The following PCDHA5 variants were observed in gnomAD, a reference collection of about 807,000 sequenced individuals.
PCDHA5 encodes the protein protocadherin alpha 5.
Under a neutral mutation model 61.6 loss-of-function variants are expected in PCDHA5, and 43 were observed. That is an observed-to-expected ratio of 0.70 (90% CI 0.55 to 0.90). The LOEUF (loss-of-function observed/expected upper bound fraction) is 0.90. Among genes scored for constraint, PCDHA5 ranks in the 40% least tolerant of loss-of-function variants. The pLI is 0.00. For synonymous variants in PCDHA5, 627 were observed against 543.9 expected (o/e 1.15, Z -2.13); for missense variants, 1,298 against 1,222.7 (o/e 1.06, Z -0.92).
intron 1 of PCDHA5, chr5:140,969,231 C>A (rs782084659): frequency 6.2e-7 from 1 of 1,614,110 alleles, no homozygotes; most frequent in Non-Finnish European, 8.5e-7. Context: ...CCTTCGGGAG[C>A]CCAAGCAGCA....
intron 3 of PCDHA5, among the ~76,000 whole-genome samples, chr5:141,007,324 A>G (rs35241677): frequency 0.053 from 8,037 of 150,420 alleles, 253 homozygotes; most frequent in South Asian, 0.11. Context: ...GCTAAAGTGG[A>G]CAGATTGCCT....
intron 1 of PCDHA5, among the ~76,000 whole-genome samples, chr5:140,840,813 G>A (rs1465831729): frequency 6.6e-6 from 1 of 152,040 alleles, no homozygotes; most frequent in South Asian, 2.1e-4. Context: ...ATATACCAGT[G>A]TTTCTGGTGA....
At chr5:140,997,420 G>A (rs1300822693) in intron 3 of PCDHA5, among the ~76,000 whole-genome samples, 4 of 152,042 alleles carry the variant, frequency 2.6e-5, no homozygotes, top group African/African-American at 9.7e-5. Flanking sequence ...TTTCTCCTAG[G>A]CTACAAACCT....
At chr5:141,002,203 G>T (rs2153973237) in intron 3 of PCDHA5, among the ~76,000 whole-genome samples, 1 of 152,296 alleles carries the variant, frequency 6.6e-6, no homozygotes, top group East Asian at 1.9e-4. Flanking sequence ...ATAGTCCCCG[G>T]CTTTAATCAA....
At position 141,010,062 on chromosome 5, in the gene PCDHA5, A is replaced by G. The variant is rs1310704954; in HGVS notation, c.*125A>G. The G allele has an allele frequency of 8.1e-6, 13 of 1,602,422 alleles. No individual in the cohort carries two copies. Among genetic ancestry groups the G allele is most frequent in the African/African-American group, 2.7e-5 (2 of 74,284 alleles). On this transcript the variant is annotated 3_prime_UTR_variant, in exon 4 of 4. Transcript: ENST00000529859. Reference sequence around the variant, plus strand: ...CCTCTTAGAGACCTCAGAAATCTGCAGAAAGTTCCCTGTGTCTGTCTAGAA... The same window carrying G: ...CCTCTTAGAGACCTCAGAAATCTGCGGAAAGTTCCCTGTGTCTGTCTAGAA...
chr5:140,868,681 TATA>T (rs1235223560), intron 1 of PCDHA5: 45 of 172,206 alleles, frequency 2.6e-4, no homozygotes, highest in African/African-American at 1.0e-3. Context: ...AGAACAATGT[TATA>T]ATGTTAAGTC....
chr5:140,835,749 G>A, intron 1 of PCDHA5: 1 of 1,613,432 alleles, frequency 6.2e-7, no homozygotes, highest in Non-Finnish European at 8.5e-7. Context: ...CCCGGCGTTC[G>A]CGCAGCCCGA....
intron 1 of PCDHA5, chr5:140,842,828 T>C (rs2150345538): frequency 1.9e-6 from 3 of 1,593,634 alleles, no homozygotes; most frequent in South Asian, 1.1e-5. Context: ...GGGCGAGCGC[T>C]CGCTGTCGAG....
At chr5:140,875,464 T>A (rs782432702) in intron 1 of PCDHA5, 1 of 1,599,740 alleles carries the variant, frequency 6.3e-7, no homozygotes, top group Admixed American at 1.7e-5. Flanking sequence ...GAGGCCCTCA[T>A]TTTCTGCAAT....
chr5:140,963,856 C>T lies in PCDHA5; in HGVS notation c.2353-15093C>T, dbSNP rs76429225. 1.1e-4 allele frequency among the ~76,000 whole-genome samples: 16 copies of T among 152,242 alleles called. No individual in the cohort carries two copies. The East Asian group carries it at 2.5e-3, about 24-fold the overall frequency. On this transcript the variant is annotated intron_variant, in intron 1 of 3. Coordinates refer to ENST00000529859, the MANE Select transcript of PCDHA5 (RefSeq NM_018908.3). ...TTTCTCATGTAATCATAATAATAAC[C>T]GTATGAGTTTTGCTTACTATTGTTT... is the stretch of plus-strand genomic sequence containing the variant.
intron 1 of PCDHA5, chr5:140,966,754 G>A (rs1554228611): frequency 1.4e-6 from 2 of 1,432,146 alleles, no homozygotes; most frequent in South Asian, 3.0e-5. Context: ...TGCCTCCGCC[G>A]CGGCCAGTGG....
At position 140,822,691 on chromosome 5, in the gene PCDHA5, G is replaced by A. The variant is rs2150118624; in HGVS notation, c.916G>A (p.Glu306Lys). 2.5e-6 allele frequency: 4 copies of A among 1,610,040 alleles called. No homozygotes were observed. The highest frequency in any genetic ancestry group is 1.1e-5 in the South Asian group (1 of 90,840). Residue 306 changes from glutamate (E) to lysine (K), a missense_variant, in exon 1 of 4, where the codon GAA becomes AAA. Glu to Lys is a moderately conservative substitution (Grantham distance 56, BLOSUM62 1). Coordinates refer to ENST00000529859, the MANE Select transcript of PCDHA5 (RefSeq NM_018908.3). ...TACTGGTGAAATAAAAGTTAACGGG[G>A]AACTGGATTATGAAGACTATAACTC... ...SNTGEIKVNGELDYEDYNSYE... is the reference protein window; with the variant it reads ...SNTGEIKVNGKLDYEDYNSYE...
chr5:140,826,838 C>T (rs1769075989), intron 1 of PCDHA5, among the ~76,000 whole-genome samples: 1 of 152,062 alleles, frequency 6.6e-6, no homozygotes, highest in Admixed American at 6.5e-5. Context: ...AGAAGTTTCT[C>T]AAGTGTCTTG....
intron 1 of PCDHA5, chr5:140,849,906 G>A: frequency 6.3e-7 from 1 of 1,598,336 alleles, no homozygotes; most frequent in Non-Finnish European, 8.6e-7. Flanking sequence ...CAACCCGCCG[G>A]GCTGCCACAT....
chr5:140,980,465 A>G (rs1170047538), intron 2 of PCDHA5, among the ~76,000 whole-genome samples: 4 of 152,184 alleles, frequency 2.6e-5, no homozygotes, highest in African/African-American at 9.7e-5. Flanking sequence ...CCCTGTCTCT[A>G]CTAAAAATAC....
intron 1 of PCDHA5, chr5:140,865,929 A>G (rs2049057617): frequency 6.6e-6 from 1 of 152,198 alleles, no homozygotes; most frequent in South Asian, 2.1e-4. Flanking sequence ...TGCTTAGAAG[A>G]AACTTCATGA....
chr5:140,835,404 G>A, intron 1 of PCDHA5: 1 of 1,614,010 alleles, frequency 6.2e-7, no homozygotes, highest in Non-Finnish European at 8.5e-7. Flanking sequence ...TGTGGAAGTT[G>A]TGGATGTAAA....
chr5:140,858,610 T>G, intron 1 of PCDHA5: 1 of 1,234,746 alleles, frequency 8.1e-7, no homozygotes, highest in Non-Finnish European at 1.1e-6. Flanking sequence ...TAAAATTTTT[T>G]TATCCTACCC....
rs782295059 is a variant in PCDHA5 at position 140,883,240 on chromosome 5, C to A, written c.2352+59113C>A. The A allele has an allele frequency of 3.7e-6, 6 of 1,613,998 alleles. No homozygotes were observed. The Admixed American group carries it at 1.0e-4, about 27-fold the overall frequency. ...ATGAAATATCCGTGGAGGCAGTTGA[C>A]AAAGGAAATATTCCAATGGCGGGTC... On this transcript the variant is annotated intron_variant, in intron 1 of 3. Coordinates refer to ENST00000529859, the MANE Select transcript of PCDHA5 (RefSeq NM_018908.3).
Sources: allele counts gnomAD v4.1 joint callset (sites outside exome capture counted in the v4.1 genomes callset), GRCh38; gene constraint gnomAD v4.1.1; transcripts MANE v1.5; gene names NCBI Gene and HGNC (gene_info 2026-07-23, HGNC 2026-07-21).